The following CCSER1 variants were observed in gnomAD, a reference collection of about 807,000 sequenced individuals.
CCSER1 encodes the protein serine-rich coiled-coil domain-containing protein 1.
In CCSER1, 41 loss-of-function variants were observed where a neutral mutation model predicts 82.0. The observed-to-expected ratio is 0.50, with a 90% CI of 0.39 to 0.65. The LOEUF is 0.65. CCSER1 is among the 30% of genes least tolerant of loss of function. CCSER1 has a pLI of 0.00. For synonymous variants in CCSER1, 414 were observed against 383.9 expected, an observed-to-expected ratio of 1.08 and a Z score of -0.92; for missense variants, 1,119 against 1,064.2, an observed-to-expected ratio of 1.05 and a Z score of -0.72.
At chr4:90,658,306 G>T (rs1341041854) in intron 6 of CCSER1, among the ~76,000 whole-genome samples, 8 of 152,142 alleles carry the variant, frequency 5.3e-5, no homozygotes, top group African/African-American at 1.4e-4. Context: ...ACTTTTGCAG[G>T]CAATTAAGTT....
chr4:90,383,392 T>C (rs1266030239), intron 3 of CCSER1, among the ~76,000 whole-genome samples: 1 of 152,214 alleles, frequency 6.6e-6, no homozygotes, highest in East Asian at 1.9e-4. Context: ...CACAGGCCAA[T>C]AGGTGAGTTT....
chr4:90,545,751 G>A (rs1051988185), intron 5 of CCSER1, among the ~76,000 whole-genome samples: 10 of 151,940 alleles, frequency 6.6e-5, no homozygotes, highest in Admixed American at 6.6e-5. Context: ...AGTAAACTTC[G>A]GAACATTTAA....
At chr4:90,400,639 ATAGAGT>A (rs761769354) in intron 4 of CCSER1, among the ~76,000 whole-genome samples, 137 of 152,246 alleles carry the variant, frequency 9.0e-4, no homozygotes, top group Non-Finnish European at 9.6e-4. Context: ...ATACACACAC[ATAGAGT>A]TAGAGAGGAG....
chr4:91,152,158 CT>C (rs1377296607), intron 10 of CCSER1, among the ~76,000 whole-genome samples: 7 of 152,112 alleles, frequency 4.6e-5, no homozygotes, highest in Admixed American at 1.3e-4. Context: ...CTGGGTGCTC[CT>C]GTATTAGGTT....
intron 10 of CCSER1, among the ~76,000 whole-genome samples, chr4:91,390,585 TTTTATTTA>T (rs1751585727): frequency 6.6e-6 from 1 of 151,728 alleles, no homozygotes; most frequent in African/African-American, 2.4e-5. Context: ...ACTTAAAGTA[TTTTATTTA>T]TATATATATA....
intron 6 of CCSER1, among the ~76,000 whole-genome samples, chr4:90,704,401 T>A (rs533112141): frequency 6.6e-6 from 1 of 152,350 alleles, no homozygotes; most frequent in South Asian, 2.1e-4. Flanking sequence ...CTGGCTGCCC[T>A]TAACATTTTT....
At chr4:90,312,669 T>TG (rs1735508178) in intron 2 of CCSER1, among the ~76,000 whole-genome samples, 194 bp from the exon 3 acceptor site, 1 of 152,164 alleles carries the variant, frequency 6.6e-6, no homozygotes, top group Non-Finnish European at 1.5e-5. Flanking sequence ...CAACAAAGGA[T>TG]GACTCCAAAC....
chr4:90,727,311 G>A (rs1743840301), intron 7 of CCSER1: 1 of 455,218 alleles, frequency 2.2e-6, no homozygotes, highest in Non-Finnish European at 4.4e-6. Context: ...GGAACAAAAT[G>A]TTATCAAACA....
At chr4:90,232,522 A>G (rs1017420409) in intron 1 of CCSER1, among the ~76,000 whole-genome samples, 10 of 151,522 alleles carry the variant, frequency 6.6e-5, no homozygotes, top group Non-Finnish European at 7.4e-5. Context: ...TAAAAACCCT[A>G]GAAGAAAACC....
At position 90,578,734 on chromosome 4, in the gene CCSER1, T is replaced by TG. The variant is rs200019315; in HGVS notation, c.1725-49284dup. 5.1e-4 allele frequency among the ~76,000 whole-genome samples: 77 copies of TG among 152,196 alleles called. No homozygotes were observed. The East Asian group carries it at 0.012, about 24-fold the overall frequency. On this transcript the variant is annotated intron_variant, in intron 5 of 10. Transcript: ENST00000509176. ...CCAAGTATTAGGACATGGCCATATTTGGGGGGGCCATTGTTCTGCCTGTAA... is the reference window on the plus strand; with the variant it reads ...CCAAGTATTAGGACATGGCCATATTTGGGGGGGGCCATTGTTCTGCCTGTAA...
chr4:91,238,252 A>G (rs147500373), intron 10 of CCSER1, among the ~76,000 whole-genome samples: 1 of 152,296 alleles, frequency 6.6e-6, no homozygotes, highest in African/African-American at 2.4e-5. Flanking sequence ...TCAAAGCATA[A>G]AAAGGTCCAT....
intron 7 of CCSER1, among the ~76,000 whole-genome samples, chr4:90,809,446 A>C (rs1757958995): frequency 6.6e-6 from 1 of 152,122 alleles, no homozygotes; most frequent in Non-Finnish European, 1.5e-5. Flanking sequence ...TGGAAAACTA[A>C]ATACCCCATG....
chr4:90,886,893 T>C (rs1440306922), intron 8 of CCSER1, among the ~76,000 whole-genome samples: 1 of 152,170 alleles, frequency 6.6e-6, no homozygotes, highest in Non-Finnish European at 1.5e-5. Context: ...GTCTAAGCAT[T>C]CTCCAGCCAA....
At chr4:90,235,381 C>G (rs967719961) in intron 1 of CCSER1, 1 of 152,248 alleles carries the variant, frequency 6.6e-6, no homozygotes, top group Admixed American at 6.5e-5. Context: ...GACAACTGGC[C>G]TTGAACCAAA....
intron 8 of CCSER1, among the ~76,000 whole-genome samples, chr4:90,904,726 G>T (rs544620812): frequency 6.6e-6 from 1 of 152,274 alleles, no homozygotes; most frequent in South Asian, 2.1e-4. Context: ...ATGCATTCAT[G>T]TAAAGATTCC....
At chr4:90,860,427 T>C (rs1483808190) in intron 8 of CCSER1, among the ~76,000 whole-genome samples, 1 of 151,602 alleles carries the variant, frequency 6.6e-6, no homozygotes, top group Non-Finnish European at 1.5e-5. Flanking sequence ...TGTGACTCCT[T>C]TGGAAAAAGT....
chr4:91,513,737 AGT>A (rs1158325203), intron 10 of CCSER1, among the ~76,000 whole-genome samples: 1 of 152,076 alleles, frequency 6.6e-6, no homozygotes, highest in Non-Finnish European at 1.5e-5. Flanking sequence ...CAGATTTTCT[AGT>A]TTGTACACAG....
chr4:91,349,108 C>G (rs755894487), intron 10 of CCSER1, among the ~76,000 whole-genome samples: 1 of 152,054 alleles, frequency 6.6e-6, no homozygotes, highest in Non-Finnish European at 1.5e-5. Flanking sequence ...AGGGTTTCAC[C>G]GTGTTAGCCA....
intron 10 of CCSER1, among the ~76,000 whole-genome samples, chr4:91,495,126 ACTT>A: frequency 6.6e-6 from 1 of 151,698 alleles, no homozygotes; most frequent in East Asian, 1.9e-4. Context: ...TAACTTGTGT[ACTT>A]TAAGTTCTGT....
Sources: allele counts gnomAD v4.1 joint callset (sites outside exome capture counted in the v4.1 genomes callset), GRCh38; gene constraint gnomAD v4.1.1; transcripts MANE v1.5; gene names NCBI Gene and HGNC (gene_info 2026-07-23, HGNC 2026-07-21).